ARFGAP3: variants seen among roughly 807,000 people sequenced by gnomAD.
The protein encoded by ARFGAP3 is ARF GTPase activating protein 3.
ARFGAP3 carries 72 observed loss-of-function variants against 75.0 expected under a neutral mutation model. The ratio of observed to expected loss-of-function variants is 0.96; its 90% CI spans 0.79 to 1.17. The LOEUF (loss-of-function observed/expected upper bound fraction) is 1.17. Ranked by LOEUF, ARFGAP3 falls within the 50% of genes most tolerant of loss-of-function variation. The pLI is 0.00. For missense variants in ARFGAP3, 620 were observed against 626.6 expected (o/e 0.99, Z 0.11); for synonymous variants, 221 against 217.9 (o/e 1.01, Z -0.13).
chr22:42,842,774 C>T (rs1026698771), intron 2 of ARFGAP3, among the ~76,000 whole-genome samples: 14 of 152,036 alleles, frequency 9.2e-5, no homozygotes, highest in Non-Finnish European at 1.5e-4. Context: ...CCCAGCCGCC[C>T]TTTGTTTATA....
chr22:42,822,281 T>C lies in ARFGAP3; in HGVS notation c.801A>G (p.Lys267=). 1 of 1,612,828 alleles carries C rather than the reference T, an allele frequency of 6.2e-7. No individual in the cohort carries two copies. Among genetic ancestry groups the C allele is most frequent in the East Asian group, 2.2e-5 (1 of 44,882 alleles). ...EQEDLAKVVS[K]EESIVSSLRL... ...GAAATTAAACTTACATTGATTCTTC[T>C]TTAGATACCACCTTGGCCAGGTCTT... Residue 267 remains lysine (K), a synonymous_variant, in exon 9 of 16, where the codon AAA becomes AAG. Transcript: ENST00000263245.
chr22:42,811,240 C>A (rs982801039), intron 11 of ARFGAP3, among the ~76,000 whole-genome samples: 1 of 152,226 alleles, frequency 6.6e-6, no homozygotes, highest in East Asian at 1.9e-4. Context: ...CAAGATGACA[C>A]ATGGAGGACA....
At chr22:42,804,297 C>T (rs1046122064) in intron 14 of ARFGAP3, among the ~76,000 whole-genome samples, 3 of 151,684 alleles carry the variant, frequency 2.0e-5, no homozygotes, top group Non-Finnish European at 4.4e-5. Flanking sequence ...GCAACATCCC[C>T]GTCCCAGGTT....
In ARFGAP3 at chr22:42,825,137, G is replaced by A. The variant is rs151278590; in HGVS notation, c.626-1435C>T. On this transcript the variant is annotated intron_variant, in intron 7 of 15. Coordinates refer to ENST00000263245, the MANE Select transcript of ARFGAP3 (RefSeq NM_014570.5). ...ACATTAGTCCAGTGTGATGGCGTGC[G>A]CCTGTGGTCCCAGCTACTTGGGAGG... 3.9e-4 allele frequency among the ~76,000 whole-genome samples: 59 copies of A among 152,252 alleles called. 1 individual carries two copies. In the South Asian group the frequency reaches 5.4e-3, roughly 14 times the overall value.
chr22:42,813,384 A>T (rs1404058519), intron 11 of ARFGAP3, among the ~76,000 whole-genome samples: 1 of 152,216 alleles, frequency 6.6e-6, no homozygotes, highest in Non-Finnish European at 1.5e-5. Flanking sequence ...GAGGGGGGTC[A>T]GCACTGGACT....
Position 42,797,597 on chromosome 22 carries a change from G to A in ARFGAP3, c.1542C>T (p.Tyr514=), listed in dbSNP as rs11913246. Residue 514 remains tyrosine (Y), a synonymous_variant, in exon 16 of 16, where the codon TAC becomes TAT. Transcript: ENST00000263245. ...NGVVTSIQDR[Y]GS ...CATCATGACTTCAGTATTAAGAACC[G>A]TAGCGATCCTGAAGAGAGAACCAAA... 0.028 allele frequency: 45,049 copies of A among 1,613,910 alleles called. 711 individuals are homozygous for A. The highest frequency in any genetic ancestry group is 0.041 in the African/African-American group (3,059 of 75,006).
At chr22:42,810,786 T>G in intron 12 of ARFGAP3, 27 bp downstream of exon 12, 1 of 1,597,936 alleles carries the variant, frequency 6.3e-7, no homozygotes, top group Non-Finnish European at 8.6e-7. Flanking sequence ...GATTCACTAC[T>G]ACAACCCCAC....
At chr22:42,846,081 T>C (rs1009378243) in intron 2 of ARFGAP3, among the ~76,000 whole-genome samples, 2 of 151,360 alleles carry the variant, frequency 1.3e-5, no homozygotes, top group African/African-American at 4.9e-5. Flanking sequence ...TCATAATAGA[T>C]TTTATCTTAT....
intron 10 of ARFGAP3, 91 bp from the exon 11 acceptor site, chr22:42,817,355 A>C: frequency 6.7e-7 from 1 of 1,483,170 alleles, no homozygotes; most frequent in Non-Finnish European, 8.9e-7. Context: ...TTTTGAACAA[A>C]GACAAATGTA....
At chr22:42,827,165 T>C in intron 6 of ARFGAP3, 166 bp from the exon 7 acceptor site, 1 of 855,616 alleles carries the variant, frequency 1.2e-6, no homozygotes, top group East Asian at 1.2e-4. Flanking sequence ...GAATTTTGAC[T>C]TAAAAGTCCA....
chr22:42,840,087 TG>T (rs1240673440), intron 3 of ARFGAP3, among the ~76,000 whole-genome samples: 1 of 151,766 alleles, frequency 6.6e-6, no homozygotes, highest in East Asian at 1.9e-4. Context: ...TGCACCACCA[TG>T]ATTTGCTAAT....
intron 9 of ARFGAP3, among the ~76,000 whole-genome samples, chr22:42,818,891 C>A (rs1182669361): frequency 6.7e-6 from 1 of 149,928 alleles, no homozygotes; most frequent in Non-Finnish European, 1.5e-5. Context: ...TGGCTCACTG[C>A]AACCTCCACC....
intron 2 of ARFGAP3, among the ~76,000 whole-genome samples, chr22:42,845,488 T>C (rs1445142498): frequency 1.4e-5 from 2 of 142,154 alleles, no homozygotes; most frequent in Admixed American, 7.5e-5. Context: ...ATCGTGCCAC[T>C]GCACCCCAGC....
At chr22:42,823,591 G>T in intron 8 of ARFGAP3, 65 bp downstream of exon 8, 1 of 1,180,404 alleles carries the variant, frequency 8.5e-7, no homozygotes, top group South Asian at 1.5e-5. Flanking sequence ...CTAAAATGAC[G>T]AAGCGGCTTT....
chr22:42,814,234 GGCTAATGA>G (rs1384350856), intron 11 of ARFGAP3, among the ~76,000 whole-genome samples: 1 of 152,022 alleles, frequency 6.6e-6, no homozygotes, highest in Non-Finnish European at 1.5e-5. Context: ...AGTTCTAATG[GGCTAATGA>G]ATAATTTGAA....
intron 5 of ARFGAP3, chr22:42,831,877 G>C (rs1926305296): frequency 6.0e-6 from 2 of 335,514 alleles, no homozygotes; most frequent in African/African-American, 4.5e-5. Flanking sequence ...TGACCTCCCA[G>C]GCTCAAGCAG....
intron 1 of ARFGAP3, among the ~76,000 whole-genome samples, chr22:42,851,199 C>A (rs1927263151): frequency 6.6e-6 from 1 of 152,342 alleles, no homozygotes; most frequent in South Asian, 2.1e-4. Context: ...CACAGTCTAG[C>A]AGTCCAGTGG....
intron 7 of ARFGAP3, among the ~76,000 whole-genome samples, chr22:42,824,409 T>C (rs1329318004): frequency 6.6e-6 from 1 of 151,652 alleles, no homozygotes; most frequent in Non-Finnish European, 1.5e-5. Flanking sequence ...TAGGCTGGAG[T>C]GTAGTAGTGT....
At chr22:42,836,307 T>C (rs1475405152) in intron 3 of ARFGAP3, among the ~76,000 whole-genome samples, 1 of 152,104 alleles carries the variant, frequency 6.6e-6, no homozygotes, top group Non-Finnish European at 1.5e-5. Flanking sequence ...GGTCTGACTC[T>C]GTCACCTAGG....
Sources: allele counts gnomAD v4.1 joint callset (sites outside exome capture counted in the v4.1 genomes callset), GRCh38; gene constraint gnomAD v4.1.1; transcripts MANE v1.5; gene names NCBI Gene and HGNC (gene_info 2026-07-23, HGNC 2026-07-21).